The following QRICH2 variants were observed in gnomAD, a reference collection of about 807,000 sequenced individuals.
QRICH2 encodes the protein glutamine rich 2.
Under a neutral mutation model 168.3 loss-of-function variants are expected in QRICH2, and 119 were observed. The observed-to-expected ratio is 0.71, with a 90% CI of 0.61 to 0.82. QRICH2 has a LOEUF of 0.82. Among genes scored for constraint, QRICH2 ranks in the 40% least tolerant of loss-of-function variants. The probability of loss-of-function intolerance (pLI) is 0.00; values close to 1 mark genes in which losing one functional copy is unlikely to be tolerated. For synonymous variants in QRICH2, 894 were observed against 951.2 expected, an observed-to-expected ratio of 0.94 and a Z score of 1.11; for missense variants, 2,241 against 2,491.6, an observed-to-expected ratio of 0.90 and a Z score of 2.14.
chr17:76,280,794 G>T lies in QRICH2; in HGVS notation c.4386+37C>A. The stretch of plus-strand genomic sequence containing the variant: ...CTGCGGGGCTAGGGCACCACATTGA[G>T]CCCCGGCCCCATCCCAGCCACCCTG... On this transcript the variant is annotated intron_variant, in intron 9 of 18. Transcript: ENST00000680821. This position sits in a 1 kb window ranked among gnomAD's most constrained non-coding sequence, Gnocchi z 7.4. 6.2e-7 allele frequency: 1 copy of T among 1,613,968 alleles called. No homozygotes were observed. The highest frequency in any genetic ancestry group is 8.5e-7 in the Non-Finnish European group (1 of 1,179,994).
At chr17:76,303,566 T>C (rs1311197351) in intron 3 of QRICH2, among the ~76,000 whole-genome samples, 1 of 152,054 alleles carries the variant, frequency 6.6e-6, no homozygotes, top group African/African-American at 2.4e-5. Context: ...GATGCATGCC[T>C]GTGTGCAAAA....
rs147137634 is a variant in QRICH2, at chr17:76,276,689, G to C, written c.5344C>G (p.Arg1782Gly). The C allele has an allele frequency of 6.2e-7, 1 of 1,613,610 alleles. No homozygotes were observed. Among genetic ancestry groups the C allele is most frequent in the Admixed American group, 1.7e-5 (1 of 60,002 alleles). The change falls in exon 17 of 19, where the codon CGA (arginine) becomes GGA (glycine). Residue 1782 changes from arginine to glycine, a missense_variant. By Grantham distance (125) the Arg-to-Gly change is moderately radical. Around this residue, in one of 3 missense-constraint regions of QRICH2, gnomAD observed 189 missense variants for 169.3 expected, o/e 1.12. Transcript: ENST00000680821. ...TCTGGACTCCACTCACTGTCTTTTC[G>C]GAGGATGCCTGGCAGCCTTGTGTCC... is the stretch of plus-strand genomic sequence containing the variant. ...RMDTRLPGILRKDSSGTSKRK... is the reference protein window; with the variant it reads ...RMDTRLPGILGKDSSGTSKRK...
rs1408140446 is a variant in QRICH2, at chr17:76,304,632, G to A, written c.595-107C>T. The A allele has an allele frequency of 6.3e-6, 5 of 795,538 alleles. No homozygotes were observed. The Admixed American group carries it at 6.3e-5, about 10-fold the overall frequency. 49.3% of individuals were successfully genotyped at this position (795,538 alleles called of 1,614,324 possible). Reference sequence around the variant, plus strand: ...TCTGGGTGGGTCCTTCACAGCCCCAGCCCCAGGGAGAATTCATCACCCTTC... The same window carrying A: ...TCTGGGTGGGTCCTTCACAGCCCCAACCCCAGGGAGAATTCATCACCCTTC... On this transcript the variant is annotated intron_variant, in intron 2 of 18. Coordinates refer to ENST00000680821, the MANE Select transcript of QRICH2 (RefSeq NM_001388453.1).
intron 5 of QRICH2, among the ~76,000 whole-genome samples, chr17:76,289,095 C>G (rs190366172): frequency 7.1e-6 from 1 of 141,406 alleles, no homozygotes; most frequent in African/African-American, 2.7e-5. Context: ...CAGAGTGAGA[C>G]TGTGTCTCAA....
intron 3 of QRICH2, among the ~76,000 whole-genome samples, chr17:76,300,856 A>C (rs1476615737): frequency 6.6e-6 from 1 of 152,138 alleles, no homozygotes; most frequent in African/African-American, 2.4e-5. Flanking sequence ...GTTTAAGACC[A>C]GCCTGGCCAA....
In QRICH2 at chr17:76,281,731, T is replaced by C. The variant is rs2143180278; in HGVS notation, c.4263+133A>G. The C allele has an allele frequency of 5.3e-6, 6 of 1,133,662 alleles. No individual in the cohort carries two copies. The East Asian group carries it at 1.4e-4, about 27-fold the overall frequency. The allele number at this position is 1,133,662 out of a possible 1,614,324, so 70.2% of individuals were successfully genotyped here. On this transcript the variant is annotated intron_variant, in intron 8 of 18. Transcript: ENST00000680821. The surrounding 1 kb of genome is among the most constrained non-coding windows in gnomAD (Gnocchi z 4.4). ...ACCAGGGACTCTTGTGGGATCTGGC[T>C]AAAGGGCTCCGCCACGGAGAGCTGA...
rs1271195938 is a variant in QRICH2 at position 76,276,769 on chromosome 17, TGTAGAAGTGAACAGATACC to T, written c.5266-21_5266-3del. On this transcript the variant is annotated splice_polypyrimidine_tract_variant and splice_region_variant and intron_variant, in intron 16 of 18. Transcript: ENST00000680821. ...GCCCAAGATGTCCACCTCATCATGC[TGTAGAAGTGAACAGATACC>T]GTCGCCACTGTAGCAGCCACAGCCC... 1 of 1,610,226 alleles carries T rather than the reference TGTAGAAGTGAACAGATACC, an allele frequency of 6.2e-7. No homozygotes were observed. Among genetic ancestry groups the T allele is most frequent in the East Asian group, 2.2e-5 (1 of 44,878 alleles).
chr17:76,291,121 C>G lies in QRICH2; in HGVS notation c.3606G>C (p.Glu1202Asp). 1 of 1,614,212 alleles carries G rather than the reference C, an allele frequency of 6.2e-7. No homozygotes were observed. The highest frequency in any genetic ancestry group is 1.7e-5 in the Admixed American group (1 of 60,020). Reference protein sequence around the residue: ...TAVETFHLMGELSSLYVGLKE... With the variant: ...TAVETFHLMGDLSSLYVGLKE... Reference sequence around the variant, plus strand: ...TTAGCCCCACATAGAGGCTACTGAGCTCTCCCATCAGATGAAATGTCTCCA... The same window carrying G: ...TTAGCCCCACATAGAGGCTACTGAGGTCTCCCATCAGATGAAATGTCTCCA... Residue 1202 changes from glutamate to aspartate, a missense_variant, in exon 4 of 19, where the codon GAG becomes GAC. This residue lies in a region of QRICH2 where 2,047 missense variants were observed against 2,303.8 expected (regional missense o/e 0.89). Coordinates refer to ENST00000680821, the MANE Select transcript of QRICH2 (RefSeq NM_001388453.1).
chr17:76,284,959 A>ATT (rs747101379), intron 7 of QRICH2, among the ~76,000 whole-genome samples: 4 of 143,886 alleles, frequency 2.8e-5, no homozygotes, highest in African/African-American at 2.5e-5. Flanking sequence ...AGTGGCTATA[A>ATT]TTTTTTTTTT....
At position 76,277,221 on chromosome 17, in the gene QRICH2, C is replaced by CGGCT. The variant is rs762357872; in HGVS notation, c.5203_5206dup (p.Arg1736GlnfsTer14). The CGGCT allele has an allele frequency of 6.2e-7, 1 of 1,601,878 alleles. No homozygotes were observed. The highest frequency in any genetic ancestry group is 1.1e-5 in the South Asian group (1 of 89,592). On this transcript the variant is annotated frameshift_variant, in exon 16 of 19. Transcript: ENST00000680821. LOFTEE classifies it high-confidence loss of function. ...CAGGCCCCGGGGAAGGTGCTGCGGG[C>CGGCT]GGCTGCGGTGGTAGGGGTAGGTGAG...
chr17:76,287,936 AGCT>A, intron 5 of QRICH2, 39 bp from the exon 6 acceptor site: 2 of 1,532,038 alleles, frequency 1.3e-6, no homozygotes, highest in Non-Finnish European at 1.8e-6. Context: ...GGCAGGCCTG[AGCT>A]CCCGCTTCCC....
chr17:76,310,445 C>A (rs6501884), upstream of QRICH2: 26,753 of 151,412 alleles, frequency 0.18, 2,777 homozygotes, highest in East Asian at 0.52. Context: ...GCAGGGATTA[C>A]AGGCATAAGA....
At position 76,293,402 on chromosome 17, in the gene QRICH2, A is replaced by G. The variant is rs767599046; in HGVS notation, c.1325T>C (p.Met442Thr). 7.3e-5 allele frequency: 118 copies of G among 1,614,092 alleles called. No individual in the cohort carries two copies. In the African/African-American group the frequency reaches 1.3e-3, roughly 18 times the overall value. Residue 442 changes from methionine (M) to threonine (T), a missense_variant, in exon 4 of 19, where the codon ATG (methionine) becomes ACG (threonine). By Grantham distance (81) the Met-to-Thr change is moderately conservative (BLOSUM62 -1). Transcript: ENST00000680821. ...TCTGCCAGGTACTGATGGTGGCAAC[A>G]TACGTTGCTCATCCACGACAAATGG... is the stretch of plus-strand genomic sequence containing the variant. ...LIPFVVDEQR[M>T]LPPSVPGRDQ...
chr17:76,293,775 C>G lies in QRICH2; in HGVS notation c.952G>C (p.Ala318Pro). ...SGTGRQQQPR[A>P]RDEAGVPRLH... Reference sequence around the variant, plus strand: ...CGTGGCACGCCAGCTTCATCACGGGCCCTCGGCTGCTGCTGTCTCCCAGTA... The same window carrying G: ...CGTGGCACGCCAGCTTCATCACGGGGCCTCGGCTGCTGCTGTCTCCCAGTA... The change falls in exon 4 of 19, where the codon GCC becomes CCC. Residue 318 changes from alanine to proline, a missense_variant. Physicochemically the swap from Ala to Pro is conservative, Grantham distance 27. Transcript: ENST00000680821. 1 of 1,614,048 alleles carries G rather than the reference C, an allele frequency of 6.2e-7. No individual in the cohort carries two copies. The highest frequency in any genetic ancestry group is 8.5e-7 in the Non-Finnish European group (1 of 1,179,982).
In QRICH2 at chr17:76,308,170, C is replaced by T. The variant is rs117825912; in HGVS notation, c.-172G>A. The T allele has an allele frequency of 1.5e-4, 148 of 985,412 alleles. 1 individual carries two copies. The highest frequency in any genetic ancestry group is 1.7e-4 in the Non-Finnish European group (139 of 829,898). The allele number at this position is 985,412 out of a possible 1,614,324, so 61.0% of individuals were successfully genotyped here. A position where few individuals can be genotyped will look rare whatever the true frequency, so the allele number is the denominator to read the frequency against. On this transcript the variant is annotated 5_prime_UTR_variant, in exon 1 of 19. Transcript: ENST00000680821. ...TCCTGCCTCCAGGGAATCTGCGCCTCCGCTCCCCGGCGGGGTCCGCGATGG... is the reference window on the plus strand; with the variant it reads ...TCCTGCCTCCAGGGAATCTGCGCCTTCGCTCCCCGGCGGGGTCCGCGATGG...
rs56258903 is a variant in QRICH2, at chr17:76,287,043, A to AACACACACACACACAC, written c.4011+133_4011+148dup. 7.4e-3 allele frequency: 1,506 copies of AACACACACACACACAC among 202,566 alleles called. 14 individuals carry two copies. Among genetic ancestry groups the AACACACACACACACAC allele is most frequent in the South Asian group, 0.012 (247 of 21,132 alleles). 12.5% of individuals were successfully genotyped at this position (202,566 alleles called of 1,614,324 possible). Reference sequence around the variant, plus strand: ...CCCACCCCCTGCCCACACACCACATAACACACACACACACACACACACACA... The same window carrying AACACACACACACACAC: ...CCCACCCCCTGCCCACACACCACATAACACACACACACACACACACACACACACACACACACACACA... On this transcript the variant is annotated intron_variant, in intron 7 of 18. Coordinates refer to ENST00000680821, the MANE Select transcript of QRICH2 (RefSeq NM_001388453.1).
Position 76,307,990 on chromosome 17 carries a change from G to T in QRICH2, c.9C>A (p.Pro3=). The T allele has an allele frequency of 8.1e-7, 1 of 1,233,076 alleles. No individual in the cohort carries two copies. Among genetic ancestry groups the T allele is most frequent in the Non-Finnish European group, 1.0e-6 (1 of 988,432 alleles). 76.4% of individuals were successfully genotyped at this position (1,233,076 alleles called of 1,614,324 possible). Residue 3 remains proline (P), a synonymous_variant, in exon 1 of 19, where the codon CCC becomes CCA. Transcript: ENST00000680821. This position sits in a 1 kb window ranked among gnomAD's most constrained non-coding sequence, Gnocchi z 5.3. The part of the protein sequence containing the change: MP[P]ATTVSLRELA... ...GCTCCCGGAGGGAGACCGTGGTCGCGGGCGGCATCGTGGCTGTCAGGAGCT... is the reference window on the plus strand; with the variant it reads ...GCTCCCGGAGGGAGACCGTGGTCGCTGGCGGCATCGTGGCTGTCAGGAGCT...
Position 76,292,159 on chromosome 17 carries a change from T to G in QRICH2, c.2568A>C (p.Ala856=). 6.7e-7 allele frequency: 1 copy of G among 1,494,134 alleles called. No individual in the cohort carries two copies. The highest frequency in any genetic ancestry group is 1.5e-5 in the African/African-American group (1 of 68,486). 92.6% of individuals were successfully genotyped at this position (1,494,134 alleles called of 1,614,324 possible). ...CAGGTTGGACCAAACCACGCTGATC[T>G]GCACCAGGTTGGACCAAACCATGCT... The part of the protein sequence containing the change: ...AVQHGLVQPG[A]DQRGLVQPGV... Residue 856 remains alanine (A), a synonymous_variant, in exon 4 of 19, where the codon GCA becomes GCC. Transcript: ENST00000680821.
At chr17:76,306,566 T>C (rs1179790574) in intron 1 of QRICH2, among the ~76,000 whole-genome samples, 7 of 152,178 alleles carry the variant, frequency 4.6e-5, no homozygotes, top group Non-Finnish European at 8.8e-5. Context: ...AATGATTACA[T>C]GCATTTGTCC....
Sources: gnomAD v4.1 joint callset for allele counts (sites outside exome capture counted in the v4.1 genomes callset) on GRCh38, gnomAD v4.1.1 for gene constraint, gnomAD v4.1.1 regional missense constraint, Gnocchi (gnomAD v3.1) non-coding constraint, MANE v1.5 for transcripts, NCBI Gene and HGNC (gene_info 2026-07-23, HGNC 2026-07-21) for gene names.